Variants in JAKMIP1 observed in about 807,000 individuals in gnomAD.
JAKMIP1 encodes janus kinase and microtubule-interacting protein 1.
JAKMIP1 carries 33 observed loss-of-function variants against 113.0 expected under a neutral mutation model. The observed-to-expected ratio is 0.29, with a 90% CI of 0.22 to 0.39. The LOEUF is 0.39. JAKMIP1 is among the 10% of genes least tolerant of loss of function. The pLI, the probability that JAKMIP1 is intolerant of heterozygous loss-of-function variation, is 1.00. For missense variants in JAKMIP1, 813 were observed against 1,080.5 expected (o/e 0.75, Z 3.47); for synonymous variants, 480 against 459.9 (o/e 1.04, Z -0.56).
rs777257473 is a variant in JAKMIP1, at chr4:6,166,023, C to G, written c.-148+34230G>C. On this transcript the variant is annotated intron_variant, in intron 1 of 20. Transcript: ENST00000409021. ...CACTCTGCCCTCCACTCCACTTTCA[C>G]GTCACCTCCTGGGTACCTGTCCAGT... Among the ~76,000 whole-genome samples the G allele has an allele frequency of 3.3e-5, 5 of 152,166 alleles. 1 individual carries two copies. Among genetic ancestry groups the G allele is most frequent in the Non-Finnish European group, 5.9e-5 (4 of 68,028 alleles).
chr4:6,131,488 G>T (rs969862328), intron 1 of JAKMIP1, among the ~76,000 whole-genome samples: 1 of 152,056 alleles, frequency 6.6e-6, no homozygotes, highest in Non-Finnish European at 1.5e-5. Context: ...CCAATGCTTT[G>T]GGAGGCTGAG....
rs980911847 is a variant in JAKMIP1 at position 6,199,690 on chromosome 4, G to C, written c.-148+563C>G. ...GGGGCCGCGGCGGCGTGTGCCGTGC[G>C]TGGGGTGGGGTGCGGGCTGGGCGGC... is the stretch of plus-strand genomic sequence containing the variant. On this transcript the variant is annotated intron_variant, in intron 1 of 20. Coordinates refer to ENST00000409021, the MANE Select transcript of JAKMIP1 (RefSeq NM_001099433.2). The surrounding 1 kb of genome is among the most constrained non-coding windows in gnomAD (Gnocchi z 5.6). 1.3e-5 allele frequency among the ~76,000 whole-genome samples: 2 copies of C among 151,580 alleles called. No individual in the cohort carries two copies. The highest frequency in any genetic ancestry group is 2.9e-5 in the Non-Finnish European group (2 of 67,870).
chr4:6,152,789 A>AATATATATATATATATATATATATAC (rs35192547), intron 1 of JAKMIP1, among the ~76,000 whole-genome samples: 12 of 135,294 alleles, frequency 8.9e-5, no homozygotes, highest in Admixed American at 7.9e-5. Context: ...TAAAAATACA[A>AATATATATATATATATATATATATAC]ATATATATAT....
intron 8 of JAKMIP1, among the ~76,000 whole-genome samples, chr4:6,075,556 C>T (rs139680204): frequency 4.6e-4 from 70 of 152,264 alleles, no homozygotes; most frequent in African/African-American, 1.6e-3. Flanking sequence ...GACCCTAAAC[C>T]CATTCAGGAA....
chr4:6,131,170 A>AT (rs1718461320), intron 1 of JAKMIP1, among the ~76,000 whole-genome samples: 2 of 147,878 alleles, frequency 1.4e-5, no homozygotes. Context: ...TCCAAAAAAA[A>AT]AAAAATATCC....
chr4:6,048,968 T>A (rs1715323906), intron 15 of JAKMIP1, 46 bp from the exon 16 acceptor site: 1 of 1,449,192 alleles, frequency 6.9e-7, no homozygotes. Context: ...GGATCCCAAA[T>A]CCACGTGCAG....
At chr4:6,062,591 G>T in intron 9 of JAKMIP1, 151 bp from the exon 10 acceptor site, 1 of 850,710 alleles carries the variant, frequency 1.2e-6, no homozygotes. Flanking sequence ...ACATCTCACA[G>T]TGCTGCCAAC....
In JAKMIP1 at chr4:6,108,425, G is replaced by T. The variant is rs114504911; in HGVS notation, c.130-2458C>A. Among the ~76,000 whole-genome samples, 9 of 152,248 alleles carry T rather than the reference G, an allele frequency of 5.9e-5. No individual in the cohort carries two copies. Among genetic ancestry groups the T allele is most frequent in the African/African-American group, 2.2e-4 (9 of 41,546 alleles). ...ACTCTAAATGCAGCCACGGCACAAA[G>T]GCCAAGAGAGGGAGCATGCCCTGGG... is the stretch of plus-strand genomic sequence containing the variant. On this transcript the variant is annotated intron_variant, in intron 2 of 20. Transcript: ENST00000409021. This position sits in a 1 kb window ranked among gnomAD's most constrained non-coding sequence, Gnocchi z 5.6.
chr4:6,140,254 T>TC lies in JAKMIP1; in HGVS notation c.-147-27258_-147-27257insG, dbSNP rs1719929438. Among the ~76,000 whole-genome samples, 2 of 151,426 alleles carry TC rather than the reference T, an allele frequency of 1.3e-5. No individual in the cohort carries two copies. Among genetic ancestry groups the TC allele is most frequent in the Admixed American group, 1.3e-4 (2 of 15,230 alleles). On this transcript the variant is annotated intron_variant, in intron 1 of 20. Coordinates refer to ENST00000409021, the MANE Select transcript of JAKMIP1 (RefSeq NM_001099433.2). The surrounding 1 kb of genome is among the most constrained non-coding windows in gnomAD (Gnocchi z 9.4). ...TCCCTATTTTTCTTTTTTCCTCTTT[T>TC]TTTTTTTTTTTTCTGTGGGGAGGGA...
At position 6,089,251 on chromosome 4, in the gene JAKMIP1, G is replaced by GC. The variant is rs1721706648; in HGVS notation, c.625-3623dup. 6.6e-6 allele frequency among the ~76,000 whole-genome samples: 1 copy of GC among 152,228 alleles called. No individual in the cohort carries two copies. Among genetic ancestry groups the GC allele is most frequent in the Non-Finnish European group, 1.5e-5 (1 of 68,042 alleles). On this transcript the variant is annotated intron_variant, in intron 3 of 20. Coordinates refer to ENST00000409021, the MANE Select transcript of JAKMIP1 (RefSeq NM_001099433.2). The surrounding 1 kb of genome is among the most constrained non-coding windows in gnomAD (Gnocchi z 5.3). The stretch of plus-strand genomic sequence containing the variant: ...TAGTGCACCTGGAGCTGCACCTACA[G>GC]CAAATCCCATGACTTCAGTTGGGGG...
At position 6,071,848 on chromosome 4, in the gene JAKMIP1, G is replaced by A. The variant is rs142253614; in HGVS notation, c.1303-6840C>T. The stretch of plus-strand genomic sequence containing the variant: ...TATCCCCAGGACCCACATCTTCCCC[G>A]AGTCCTTTACCAAAGGGCCCCCAGC... On this transcript the variant is annotated intron_variant, in intron 8 of 20. Transcript: ENST00000409021. 2.2e-3 allele frequency among the ~76,000 whole-genome samples: 331 copies of A among 152,184 alleles called. 2 individuals are homozygous for A. The highest frequency in any genetic ancestry group is 7.6e-3 in the African/African-American group (316 of 41,530).
At chr4:6,074,929 T>C (rs1578161486) in intron 8 of JAKMIP1, among the ~76,000 whole-genome samples, 2 of 152,234 alleles carry the variant, frequency 1.3e-5, no homozygotes, top group African/African-American at 4.8e-5. Flanking sequence ...CCTAGGTGTG[T>C]AGGAGGCTAG....
Position 6,105,587 on chromosome 4 carries a change from A to G in JAKMIP1, c.510T>C (p.Ser170=). Residue 170 remains serine (S), a synonymous_variant, in exon 3 of 21, where the codon AGT becomes AGC. Transcript: ENST00000409021. ...AARKQAEEAL[S]NCMQADKTKA... The stretch of plus-strand genomic sequence containing the variant: ...TGGTCTTGTCAGCCTGCATGCAGTT[A>G]CTGAGCGCCTCCTCTGCCTGCTTGC... The G allele has an allele frequency of 6.3e-7, 1 of 1,598,930 alleles. No homozygotes were observed. Among genetic ancestry groups the G allele is most frequent in the Non-Finnish European group, 8.5e-7 (1 of 1,172,902 alleles).
intron 1 of JAKMIP1, among the ~76,000 whole-genome samples, chr4:6,130,007 T>A (rs932019794): frequency 2.6e-5 from 4 of 152,234 alleles, no homozygotes; most frequent in African/African-American, 9.6e-5. Context: ...CTCTCTAAAT[T>A]TGGAAGACTC....
chr4:6,088,955 C>T lies in JAKMIP1; in HGVS notation c.625-3326G>A, dbSNP rs1004856173. ...TTCCCAGGGCAGTCCCCAATTGGCT[C>T]ATGCCACCCAAATGTCCCTGTCCCA... is the stretch of plus-strand genomic sequence containing the variant. On this transcript the variant is annotated intron_variant, in intron 3 of 20. Coordinates refer to ENST00000409021, the MANE Select transcript of JAKMIP1 (RefSeq NM_001099433.2). This position sits in a 1 kb window ranked among gnomAD's most constrained non-coding sequence, Gnocchi z 5.5. Among the ~76,000 whole-genome samples, 4 of 152,226 alleles carry T rather than the reference C, an allele frequency of 2.6e-5. No individual in the cohort carries two copies. Among genetic ancestry groups the T allele is most frequent in the Non-Finnish European group, 5.9e-5 (4 of 68,052 alleles).
Position 6,067,859 on chromosome 4 carries a change from C to T in JAKMIP1, c.1303-2851G>A, listed in dbSNP as rs543781689. On this transcript the variant is annotated intron_variant, in intron 8 of 20. Coordinates refer to ENST00000409021, the MANE Select transcript of JAKMIP1 (RefSeq NM_001099433.2). This position sits in a 1 kb window ranked among gnomAD's most constrained non-coding sequence, Gnocchi z 4.6. Reference sequence around the variant, plus strand: ...TCTTCTGCACACGCAGGTCACCCCCCTGAGCTCCACGTTCCACATTTTTCT... The same window carrying T: ...TCTTCTGCACACGCAGGTCACCCCCTTGAGCTCCACGTTCCACATTTTTCT... Among the ~76,000 whole-genome samples the T allele has an allele frequency of 6.6e-6, 1 of 152,176 alleles. No homozygotes were observed. Among genetic ancestry groups the T allele is most frequent in the South Asian group, 2.1e-4 (1 of 4,826 alleles).
At position 6,142,035 on chromosome 4, in the gene JAKMIP1, TC is replaced by T. The variant is rs776362991; in HGVS notation, c.-147-29039del. On this transcript the variant is annotated intron_variant, in intron 1 of 20. Coordinates refer to ENST00000409021, the MANE Select transcript of JAKMIP1 (RefSeq NM_001099433.2). This position sits in a 1 kb window ranked among gnomAD's most constrained non-coding sequence, Gnocchi z 5.5. The stretch of plus-strand genomic sequence containing the variant: ...ACCCACTGTGAACACTCTACTGACT[TC>T]CTTCTGGGCTGCTTTTCCAGGGGCA... 4.3e-5 allele frequency among the ~76,000 whole-genome samples: 6 copies of T among 141,010 alleles called. No homozygotes were observed. The highest frequency in any genetic ancestry group is 9.3e-5 in the Non-Finnish European group (6 of 64,856). 92.5% of individuals were successfully genotyped at this position (141,010 alleles called of 152,430 possible). A position where few individuals can be genotyped will look rare whatever the true frequency, so the allele number is the denominator to read the frequency against.
intron 8 of JAKMIP1, among the ~76,000 whole-genome samples, chr4:6,070,727 C>T (rs953214939): frequency 6.6e-6 from 1 of 152,214 alleles, no homozygotes; most frequent in Non-Finnish European, 1.5e-5. Flanking sequence ...TGCTGTTCCC[C>T]GACAACCTCA....
intron 1 of JAKMIP1, among the ~76,000 whole-genome samples, chr4:6,152,994 A>T (rs1721792306): frequency 6.6e-6 from 1 of 151,986 alleles, no homozygotes; most frequent in Admixed American, 6.6e-5. Context: ...AGAAGTGGGC[A>T]TCCCTTAGCC....
Sources: allele counts gnomAD v4.1 joint callset (sites outside exome capture counted in the v4.1 genomes callset), GRCh38; gene constraint gnomAD v4.1.1; non-coding constraint Gnocchi (gnomAD v3.1); transcripts MANE v1.5; gene names NCBI Gene and HGNC (gene_info 2026-07-23, HGNC 2026-07-21).